SLC5A4: variants seen among roughly 807,000 people sequenced by gnomAD.
SLC5A4 encodes the protein solute carrier family 5 member 4.
In SLC5A4, 55 loss-of-function variants were observed where a neutral mutation model predicts 70.3. The ratio of observed to expected loss-of-function variants is 0.78; its 90% CI spans 0.63 to 0.98. The LOEUF (loss-of-function observed/expected upper bound fraction) is 0.98. SLC5A4 is among the 50% of genes least tolerant of loss of function. SLC5A4 has a pLI of 0.00. For missense variants in SLC5A4, 735 were observed against 839.2 expected (o/e 0.88, Z 1.53); for synonymous variants, 268 against 305.7 (o/e 0.88, Z 1.29).
the SLC5A4 span, among the ~76,000 whole-genome samples, chr22:32,336,445 A>T: frequency 2.0e-5 from 3 of 152,252 alleles, no homozygotes; most frequent in Non-Finnish European, 4.4e-5. Flanking sequence ...TAAAGATTCC[A>T]AACTGGCTGG....
the SLC5A4 span, among the ~76,000 whole-genome samples, chr22:32,324,271 A>ACATATGTATGTG: frequency 2.2e-3 from 300 of 139,198 alleles, 3 homozygotes; most frequent in African/African-American, 6.3e-3. Flanking sequence ...ATATATGTAT[A>ACATATGTATGTG]TATATATACA....
the SLC5A4 span, among the ~76,000 whole-genome samples, chr22:32,309,653 A>ATACACACACACACCTGCTTTCCACACC: frequency 6.6e-6 from 1 of 151,986 alleles, no homozygotes; most frequent in Non-Finnish European, 1.5e-5. Flanking sequence ...GGGGGATTGA[A>ATACACACACACACCTGCTTTCCACACC]TACACACACA....
At chr22:32,342,925 C>T in the SLC5A4 span, 2 of 152,292 alleles carry the variant, frequency 1.3e-5, no homozygotes, top group East Asian at 3.9e-4. Flanking sequence ...TTTTTTCCCC[C>T]AATCCCTGCC....
intron 6 of SLC5A4, among the ~76,000 whole-genome samples, 194 bp from the exon 7 acceptor site, chr22:32,237,518 G>T (rs5998328): frequency 0.43 from 65,926 of 151,936 alleles, 14,947 homozygotes; most frequent in African/African-American, 0.51. Context: ...CCCTTGCCTT[G>T]CCCTGATTCA....
At chr22:32,335,270 G>A in the SLC5A4 span, among the ~76,000 whole-genome samples, 12 of 150,810 alleles carry the variant, frequency 8.0e-5, no homozygotes, top group African/African-American at 2.0e-4. Context: ...CCAGCTCACC[G>A]GGAAGCAGAT....
the SLC5A4 span, among the ~76,000 whole-genome samples, chr22:32,336,921 G>T: frequency 6.6e-6 from 1 of 152,206 alleles, no homozygotes; most frequent in Non-Finnish European, 1.5e-5. Flanking sequence ...AATGCTTGCT[G>T]AATAAATGAG....
At chr22:32,250,683 T>C (rs1473190124) in intron 3 of SLC5A4, among the ~76,000 whole-genome samples, 3 of 152,136 alleles carry the variant, frequency 2.0e-5, no homozygotes, top group African/African-American at 7.2e-5. Context: ...CTATTTACAA[T>C]AGCAAATACT....
the SLC5A4 span, among the ~76,000 whole-genome samples, chr22:32,353,240 G>A: frequency 2.6e-5 from 4 of 152,116 alleles, no homozygotes; most frequent in East Asian, 1.9e-4. Context: ...CCCTGGCTGC[G>A]TTCCTCGGGA....
chr22:32,268,259 A>G, the SLC5A4 span: 1 of 151,912 alleles, frequency 6.6e-6, no homozygotes, highest in Non-Finnish European at 1.5e-5. Context: ...AACTCATGAC[A>G]CTCTAATAGC....
the SLC5A4 span, among the ~76,000 whole-genome samples, chr22:32,333,102 C>T: frequency 1.3e-5 from 2 of 152,110 alleles, no homozygotes; most frequent in African/African-American, 2.4e-5. Flanking sequence ...CGAGGAGGGA[C>T]GTGGCCTGCC....
At chr22:32,271,941 C>G in the SLC5A4 span, 1 of 548,252 alleles carries the variant, frequency 1.8e-6, no homozygotes, top group East Asian at 4.2e-5. Flanking sequence ...ACCTGCATCC[C>G]ACATGACTGG....
At chr22:32,273,129 C>CCACTTCTAGCTCCATGG in the SLC5A4 span, 1 of 452,610 alleles carries the variant, frequency 2.2e-6, no homozygotes, top group Non-Finnish European at 4.4e-6. Context: ...ATGTCGCTGC[C>CCACTTCTAGCTCCATGG]ACCACCACAC....
the SLC5A4 span, among the ~76,000 whole-genome samples, chr22:32,314,046 A>G: frequency 5.9e-5 from 9 of 152,180 alleles, no homozygotes; most frequent in Non-Finnish European, 1.3e-4. Context: ...TGGAGAAGTC[A>G]AGGGAGTGGC....
chr22:32,320,768 CG>C, the SLC5A4 span, among the ~76,000 whole-genome samples: 1 of 152,250 alleles, frequency 6.6e-6, no homozygotes, highest in East Asian at 1.9e-4. Context: ...TAACAAAATT[CG>C]TAAGACAGTG....
At chr22:32,233,066 A>T (rs1212216116) in intron 8 of SLC5A4, 32 bp from the exon 9 acceptor site, 1 of 1,593,672 alleles carries the variant, frequency 6.3e-7, no homozygotes, top group Non-Finnish European at 8.6e-7. Context: ...CTCATGAAAC[A>T]AGCCAGGGGA....
the SLC5A4 span, among the ~76,000 whole-genome samples, chr22:32,350,673 A>G: frequency 1.3e-5 from 2 of 152,154 alleles, no homozygotes; most frequent in Non-Finnish European, 2.9e-5. Context: ...AGAAACTGCA[A>G]CCGATCTACT....
the SLC5A4 span, among the ~76,000 whole-genome samples, chr22:32,341,345 G>T: frequency 6.6e-6 from 1 of 152,194 alleles, no homozygotes; most frequent in South Asian, 2.1e-4. Flanking sequence ...AAGGGCGGCC[G>T]TGAGGGGCCA....
At chr22:32,273,521 C>T in the SLC5A4 span, 1 of 157,566 alleles carries the variant, frequency 6.3e-6, no homozygotes, top group Non-Finnish European at 1.4e-5. Flanking sequence ...AGTGTTCCAC[C>T]TTTACCATCC....
intron 7 of SLC5A4, among the ~76,000 whole-genome samples, chr22:32,236,705 A>ATTT (rs551794690): frequency 8.4e-5 from 12 of 142,890 alleles, no homozygotes; most frequent in African/African-American, 2.8e-4. Context: ...CTAAGCAGTA[A>ATTT]TTTTTTTTTT....
Sources: gnomAD v4.1 joint callset for allele counts (sites outside exome capture counted in the v4.1 genomes callset) on GRCh38, gnomAD v4.1.1 for gene constraint, MANE v1.5 for transcripts, NCBI Gene and HGNC (gene_info 2026-07-23, HGNC 2026-07-21) for gene names.